The following ATP10D variants were observed in gnomAD, a reference collection of about 807,000 sequenced individuals.
The protein encoded by ATP10D is phospholipid-transporting ATPase VD.
ATP10D carries 89 observed loss-of-function variants against 144.8 expected under a neutral mutation model. That is an observed-to-expected ratio of 0.61 (90% CI 0.52 to 0.73). ATP10D has a LOEUF of 0.73. ATP10D is among the 30% of genes least tolerant of loss of function. ATP10D has a pLI of 0.00. For synonymous variants in ATP10D, 571 were observed against 615.1 expected (o/e 0.93, Z 1.06); for missense variants, 1,603 against 1,714.8 (o/e 0.93, Z 1.15).
intron 1 of ATP10D, among the ~76,000 whole-genome samples, chr4:47,508,885 CT>C (rs1196748932): frequency 1.3e-5 from 2 of 152,314 alleles, no homozygotes; most frequent in East Asian, 3.9e-4. Context: ...TTTGTGACCA[CT>C]GTGTTAAATC....
intron 3 of ATP10D, among the ~76,000 whole-genome samples, chr4:47,518,599 T>C (rs1347090638): frequency 1.3e-5 from 2 of 152,222 alleles, no homozygotes; most frequent in Non-Finnish European, 2.9e-5. Flanking sequence ...AAAATCACCA[T>C]GTTGTTGATG....
intron 22 of ATP10D, 64 bp from the exon 23 acceptor site, chr4:47,590,978 G>GGA: frequency 9.2e-7 from 1 of 1,088,500 alleles, no homozygotes; most frequent in Non-Finnish European, 1.3e-6. Flanking sequence ...TTAGTATTTG[G>GGA]GGGGGGGGGT....
At chr4:47,576,177 C>A (rs1028042415) in intron 18 of ATP10D, among the ~76,000 whole-genome samples, 1 of 151,596 alleles carries the variant, frequency 6.6e-6, no homozygotes, top group Non-Finnish European at 1.5e-5. Flanking sequence ...GTGATCCACC[C>A]GCCTCGGCCT....
At chr4:47,494,864 C>A (rs913634906) in intron 1 of ATP10D, among the ~76,000 whole-genome samples, 2 of 152,136 alleles carry the variant, frequency 1.3e-5, no homozygotes, top group African/African-American at 4.8e-5. Context: ...ATTATCTGAG[C>A]TTTCTTTCGC....
chr4:47,565,619 A>G (rs2109456878), intron 15 of ATP10D, among the ~76,000 whole-genome samples: 1 of 152,310 alleles, frequency 6.6e-6, no homozygotes, highest in African/African-American at 2.4e-5. Flanking sequence ...ATGAAAAAAT[A>G]TAAATTGTTT....
At chr4:47,512,860 G>GC (rs1560417350) in intron 2 of ATP10D, 30 bp downstream of exon 2, 1 of 1,557,594 alleles carries the variant, frequency 6.4e-7, no homozygotes, top group South Asian at 1.2e-5. Flanking sequence ...GAAAACCTTA[G>GC]AATATCATTC....
intron 2 of ATP10D, among the ~76,000 whole-genome samples, chr4:47,514,040 G>C (rs553049537): frequency 4.2e-4 from 64 of 152,322 alleles, no homozygotes; most frequent in African/African-American, 1.5e-3. Context: ...GTGATGACCA[G>C]AAGTACTAAC....
chr4:47,546,309 T>C (rs1187297433), intron 9 of ATP10D, among the ~76,000 whole-genome samples: 1 of 137,076 alleles, frequency 7.3e-6, no homozygotes, highest in Non-Finnish European at 1.5e-5. Flanking sequence ...GAGATTCAGA[T>C]GACAAGTGGA....
chr4:47,568,947 C>T lies in ATP10D; in HGVS notation c.2964C>T (p.Pro988=), dbSNP rs200496735. The change falls in exon 16 of 23, where the codon CCC becomes CCT. Residue 988 remains proline (P), a synonymous_variant. Transcript: ENST00000273859. Reference sequence around the variant, plus strand: ...AAGATTTACTTCAGCCTCCTGTCCCCCGGGACTCAGGGTTACGAGCTGGAC... The same window carrying T: ...AAGATTTACTTCAGCCTCCTGTCCCTCGGGACTCAGGGTTACGAGCTGGAC... ...LSEDLLQPPV[P]RDSGLRAGLI... 2 of 1,614,158 alleles carry T rather than the reference C, an allele frequency of 1.2e-6. No individual in the cohort carries two copies. The highest frequency in any genetic ancestry group is 8.5e-7 in the Non-Finnish European group (1 of 1,180,036).
At chr4:47,514,957 A>G (rs905493224) in intron 2 of ATP10D, among the ~76,000 whole-genome samples, 3 of 152,056 alleles carry the variant, frequency 2.0e-5, no homozygotes, top group Admixed American at 1.3e-4. Flanking sequence ...TTTATATTTA[A>G]TAAATAATAT....
intron 14 of ATP10D, among the ~76,000 whole-genome samples, chr4:47,561,729 G>A (rs920440781): frequency 2.6e-5 from 4 of 152,126 alleles, no homozygotes; most frequent in African/African-American, 9.7e-5. Flanking sequence ...AAATATTGAT[G>A]CCTGCATCCT....
At chr4:47,503,997 T>A (rs987279076) in intron 1 of ATP10D, among the ~76,000 whole-genome samples, 1 of 152,226 alleles carries the variant, frequency 6.6e-6, no homozygotes, top group Non-Finnish European at 1.5e-5. Context: ...ACTTTTTGTA[T>A]ATATCTAAAA....
chr4:47,558,795 T>G (rs1719125742), intron 12 of ATP10D, 128 bp from the exon 13 acceptor site: 1 of 708,972 alleles, frequency 1.4e-6, no homozygotes, highest in African/African-American at 1.8e-5. Context: ...AGATACCCAT[T>G]TGGGATTCAA....
intron 21 of ATP10D, among the ~76,000 whole-genome samples, chr4:47,583,892 G>T (rs1057066056): frequency 2.6e-5 from 4 of 152,160 alleles, no homozygotes; most frequent in Non-Finnish European, 5.9e-5. Flanking sequence ...TTGTCAGGAT[G>T]GTCCTCTGGT....
chr4:47,494,220 T>A (rs950772516), intron 1 of ATP10D, among the ~76,000 whole-genome samples: 4 of 152,122 alleles, frequency 2.6e-5, no homozygotes, highest in Non-Finnish European at 5.9e-5. Context: ...AGAGTAAGAC[T>A]TTTTCCCCCC....
intron 10 of ATP10D, among the ~76,000 whole-genome samples, chr4:47,553,627 G>T (rs1426102506): frequency 6.6e-6 from 1 of 152,160 alleles, no homozygotes; most frequent in East Asian, 1.9e-4. Flanking sequence ...TTACCATTAG[G>T]TAGAAGAGGA....
At chr4:47,526,910 G>A (rs1423473159) in intron 5 of ATP10D, among the ~76,000 whole-genome samples, 1 of 152,116 alleles carries the variant, frequency 6.6e-6, no homozygotes, top group Non-Finnish European at 1.5e-5. Context: ...TATAGAGTCA[G>A]TGAAATCCCA....
intron 18 of ATP10D, 123 bp downstream of exon 18, chr4:47,573,120 A>G (rs949956600): frequency 3.3e-6 from 4 of 1,217,954 alleles, no homozygotes; most frequent in Non-Finnish European, 4.6e-6. Flanking sequence ...GGGAACAGCC[A>G]GGACTGGTCT....
At chr4:47,506,007 A>T (rs1716002201) in intron 1 of ATP10D, among the ~76,000 whole-genome samples, 1 of 152,176 alleles carries the variant, frequency 6.6e-6, no homozygotes, top group Admixed American at 6.5e-5. Flanking sequence ...GCATTCATTA[A>T]GGGAAATAGG....
Sources: gnomAD v4.1 joint callset for allele counts (sites outside exome capture counted in the v4.1 genomes callset) on GRCh38, gnomAD v4.1.1 for gene constraint, MANE v1.5 for transcripts, NCBI Gene and HGNC (gene_info 2026-07-23, HGNC 2026-07-21) for gene names.